Variants in GAS7 observed in about 807,000 individuals in gnomAD.
GAS7 encodes the protein growth arrest-specific protein 7.
A neutral mutation model predicts 71.1 loss-of-function variants in GAS7; 28 were observed. That is an observed-to-expected ratio of 0.39 (90% confidence interval 0.29 to 0.54). The LOEUF (loss-of-function observed/expected upper bound fraction) is 0.54, where lower values mean the gene tolerates loss of function less well. Ranked by LOEUF, GAS7 falls within the 20% of genes least tolerant of loss-of-function variation. The probability of loss-of-function intolerance (pLI) is 0.62; values close to 1 mark genes in which losing one functional copy is unlikely to be tolerated. For missense variants in GAS7, 436 were observed against 627.8 expected, an observed-to-expected ratio of 0.69 and a Z score of 3.27; for synonymous variants, 258 against 245.8, an observed-to-expected ratio of 1.05 and a Z score of -0.46.
chr17:10,046,858 AG>A (rs2072978743), intron 1 of GAS7, among the ~76,000 whole-genome samples: 1 of 141,332 alleles, frequency 7.1e-6, no homozygotes, highest in Non-Finnish European at 1.5e-5. Flanking sequence ...AGAAAAGAAA[AG>A]AAAAAAGAAA....
intron 1 of GAS7, among the ~76,000 whole-genome samples, chr17:10,138,534 G>A (rs1355566212): frequency 6.6e-6 from 1 of 152,090 alleles, no homozygotes; most frequent in African/African-American, 2.4e-5. Flanking sequence ...GGAAGCCGAG[G>A]TGGGCAGATC....
chr17:9,941,772 C>T (rs752689959), intron 7 of GAS7, among the ~76,000 whole-genome samples: 8 of 152,148 alleles, frequency 5.3e-5, no homozygotes, highest in South Asian at 2.1e-4. Context: ...GCAACCTCTC[C>T]GTTTCCCACC....
chr17:10,083,651 T>C (rs1433669416), intron 1 of GAS7, among the ~76,000 whole-genome samples: 1 of 152,342 alleles, frequency 6.6e-6, no homozygotes, highest in East Asian at 1.9e-4. Context: ...TTTTATTGAA[T>C]GATGAAACAG....
chr17:10,149,222 C>G (rs566805289), intron 1 of GAS7, among the ~76,000 whole-genome samples: 2 of 152,248 alleles, frequency 1.3e-5, no homozygotes, highest in East Asian at 3.9e-4. Flanking sequence ...GCTGCCTGAG[C>G]CTACAGAGTA....
intron 2 of GAS7, among the ~76,000 whole-genome samples, chr17:9,997,084 A>C (rs2071076878): frequency 6.6e-6 from 1 of 152,200 alleles, no homozygotes; most frequent in African/African-American, 2.4e-5. Flanking sequence ...AGTTTAGCGT[A>C]TGGTAAAGAG....
At chr17:10,082,939 C>G (rs2073474124) in intron 1 of GAS7, among the ~76,000 whole-genome samples, 1 of 152,140 alleles carries the variant, frequency 6.6e-6, no homozygotes. Flanking sequence ...ACAAAACTAA[C>G]CTAGAGGATA....
intron 1 of GAS7, among the ~76,000 whole-genome samples, chr17:10,052,019 T>C (rs553408859): frequency 6.6e-6 from 1 of 152,180 alleles, no homozygotes; most frequent in East Asian, 1.9e-4. Flanking sequence ...GGGAGGGAAG[T>C]ATTTATTTTC....
intron 1 of GAS7, among the ~76,000 whole-genome samples, chr17:10,180,516 C>A (rs962806970): frequency 2.6e-5 from 4 of 152,100 alleles, no homozygotes; most frequent in African/African-American, 9.7e-5. Context: ...CAAGGAGTCA[C>A]CCAATAATCA....
chr17:9,914,056 T>A lies in GAS7; in HGVS notation c.*3172A>T, dbSNP rs11555789. 0.012 allele frequency: 2,723 copies of A among 228,618 alleles called. 121 individuals carry two copies. The highest frequency in any genetic ancestry group is 0.12 in the East Asian group (1,874 of 16,030). 14.2% of individuals were successfully genotyped at this position (228,618 alleles called of 1,614,324 possible). On this transcript the variant is annotated 3_prime_UTR_variant, in exon 14 of 14. Coordinates refer to ENST00000432992, the MANE Select transcript of GAS7 (RefSeq NM_201433.2). ...GGATAGCGTGCTTGCCTCTCCAAAG[T>A]GCAGTCTTTTATTTTCTCAGTTGCA...
In GAS7 at chr17:9,919,769, C is replaced by T; in HGVS notation, c.1139-64G>A. On this transcript the variant is annotated intron_variant, in intron 11 of 13. Transcript: ENST00000432992. This position sits in a 1 kb window ranked among gnomAD's most constrained non-coding sequence, Gnocchi z 5.0. Reference sequence around the variant, plus strand: ...TCCTCACCATGACTCTGTGCCCCACCCTGAGCCCCACAGCCAAGCCTTCTC... The same window carrying T: ...TCCTCACCATGACTCTGTGCCCCACTCTGAGCCCCACAGCCAAGCCTTCTC... The T allele has an allele frequency of 8.2e-7, 1 of 1,226,290 alleles. No individual in the cohort carries two copies. The highest frequency in any genetic ancestry group is 1.2e-6 in the Non-Finnish European group (1 of 827,814). The allele number at this position is 1,226,290 out of a possible 1,614,324, so 76.0% of individuals were successfully genotyped here.
rs1360809386 is a variant in GAS7, at chr17:9,910,672, TAA to T, written c.*6554_*6555del. The T allele has an allele frequency of 9.9e-6, 2 of 202,696 alleles. No homozygotes were observed. The highest frequency in any genetic ancestry group is 1.0e-5 in the Non-Finnish European group (1 of 98,508). 12.6% of individuals were successfully genotyped at this position (202,696 alleles called of 1,614,324 possible). A position where few individuals can be genotyped will look rare whatever the true frequency, so the allele number is the denominator to read the frequency against. ...GTATATAGCAAACGCCTTCAAAATT[TAA>T]ACTCTTTAAACATTTAATTCTTCAG... On this transcript the variant is annotated 3_prime_UTR_variant, in exon 14 of 14. Transcript: ENST00000432992.
intron 1 of GAS7, among the ~76,000 whole-genome samples, chr17:10,080,300 T>C (rs1465791083): frequency 1.3e-5 from 2 of 152,186 alleles, no homozygotes; most frequent in Non-Finnish European, 2.9e-5. Context: ...ATATGGTCTA[T>C]AAAGGGGAGG....
intron 1 of GAS7, among the ~76,000 whole-genome samples, chr17:10,069,226 T>C (rs1199003701): frequency 1.3e-5 from 2 of 152,210 alleles, no homozygotes; most frequent in African/African-American, 2.4e-5. Flanking sequence ...GCCTGCTACG[T>C]TGACTCTCTC....
intron 1 of GAS7, among the ~76,000 whole-genome samples, chr17:10,145,430 C>A (rs186833404): frequency 1.3e-5 from 2 of 152,198 alleles, no homozygotes; most frequent in African/African-American, 4.8e-5. Flanking sequence ...GCTCTCCAGG[C>A]GCTCACTGTC....
intron 1 of GAS7, among the ~76,000 whole-genome samples, chr17:10,059,282 G>A (rs1298918257): frequency 4.6e-5 from 7 of 152,156 alleles, no homozygotes; most frequent in Admixed American, 2.6e-4. Context: ...TTGGAGCCAC[G>A]TGGCCTCTAC....
chr17:10,015,905 T>C (rs2071976863), intron 2 of GAS7, among the ~76,000 whole-genome samples: 1 of 152,096 alleles, frequency 6.6e-6, no homozygotes, highest in Non-Finnish European at 1.5e-5. Flanking sequence ...GACTCCTGCT[T>C]CACAACCCTT....
intron 2 of GAS7, among the ~76,000 whole-genome samples, chr17:10,000,693 G>C (rs2071235785): frequency 6.6e-6 from 1 of 152,186 alleles, no homozygotes; most frequent in Non-Finnish European, 1.5e-5. Context: ...CTTGTTATAA[G>C]AATCTACTCT....
intron 1 of GAS7, among the ~76,000 whole-genome samples, chr17:10,032,126 A>G (rs912680829): frequency 6.6e-6 from 1 of 152,016 alleles, no homozygotes; most frequent in East Asian, 1.9e-4. Context: ...AAAAAAAAAA[A>G]AAAACCCTAC....
At chr17:10,098,275 C>A (rs552491980) in intron 1 of GAS7, among the ~76,000 whole-genome samples, 73 of 152,274 alleles carry the variant, frequency 4.8e-4, no homozygotes, top group African/African-American at 1.6e-3. Context: ...CTAGCCTGGC[C>A]AGGAGAGCAG....
Sources: gnomAD v4.1 joint callset for allele counts (sites outside exome capture counted in the v4.1 genomes callset) on GRCh38, gnomAD v4.1.1 for gene constraint, Gnocchi (gnomAD v3.1) non-coding constraint, MANE v1.5 for transcripts, NCBI Gene and HGNC (gene_info 2026-07-23, HGNC 2026-07-21) for gene names.